TSGA10IP: variants seen among roughly 807,000 people sequenced by gnomAD.
The protein encoded by TSGA10IP is testis specific 10 interacting protein.
In TSGA10IP, 64 loss-of-function variants were observed where a neutral mutation model predicts 63.2. That is an observed-to-expected ratio of 1.01 (90% CI 0.83 to 1.25). TSGA10IP has a LOEUF of 1.25. Ranked by LOEUF, TSGA10IP falls within the 50% of genes most tolerant of loss-of-function variation. TSGA10IP has a pLI of 0.00. For synonymous variants in TSGA10IP, 316 were observed against 298.3 expected, an observed-to-expected ratio of 1.06 and a Z score of -0.61; for missense variants, 681 against 710.1, an observed-to-expected ratio of 0.96 and a Z score of 0.47.
intron 4 of TSGA10IP, among the ~76,000 whole-genome samples, chr11:65,953,156 G>T (rs1854967640): frequency 6.7e-6 from 1 of 149,734 alleles, no homozygotes; most frequent in Non-Finnish European, 1.5e-5. Flanking sequence ...TCAGCCTACT[G>T]AGTGGCTGGG....
At chr11:65,945,984 C>T in intron 1 of TSGA10IP, 162 bp downstream of exon 1, 1 of 815,736 alleles carries the variant, frequency 1.2e-6, no homozygotes, top group Non-Finnish European at 1.9e-6. Flanking sequence ...GGCCTAAGGG[C>T]CTTGGGAGAA....
intron 4 of TSGA10IP, among the ~76,000 whole-genome samples, chr11:65,951,267 G>A (rs1434436330): frequency 6.6e-6 from 1 of 151,924 alleles, no homozygotes; most frequent in Non-Finnish European, 1.5e-5. Flanking sequence ...ATTTTTTGGG[G>A]AACCTTGATA....
chr11:65,947,087 A>AC (rs774433557), intron 2 of TSGA10IP, 23 bp from the exon 3 acceptor site: 2 of 1,606,496 alleles, frequency 1.2e-6, no homozygotes, highest in East Asian at 4.5e-5. Context: ...GCCGACCCTG[A>AC]CCCCCACCCT....
At position 65,953,698 on chromosome 11, in the gene TSGA10IP, G is replaced by A. The variant is rs764707118; in HGVS notation, c.1283G>A (p.Arg428Gln). The A allele has an allele frequency of 1.7e-5, 27 of 1,572,548 alleles. No individual in the cohort carries two copies. The highest frequency in any genetic ancestry group is 2.1e-5 in the Non-Finnish European group (24 of 1,165,548). Residue 428 changes from arginine (R) to glutamine (Q), a missense_variant, in exon 5 of 8, where the codon CGG becomes CAG. Arg to Gln is a conservative substitution (Grantham distance 43). Coordinates refer to ENST00000532620, the Ensembl canonical transcript of TSGA10IP. ...GCAGCCTACGCACCCAGAGGGAGCC[G>A]GGGCCCTGGGGCGGCCCAGCGCAAG... is the stretch of plus-strand genomic sequence containing the variant.
intron 4 of TSGA10IP, among the ~76,000 whole-genome samples, chr11:65,949,615 C>T (rs1854908270): frequency 6.6e-6 from 1 of 151,962 alleles, no homozygotes; most frequent in African/African-American, 2.4e-5. Context: ...CGGGGTTTTA[C>T]TATGTTGGCC....
chr11:65,954,243 GC>G (rs1452923993), intron 5 of TSGA10IP, among the ~76,000 whole-genome samples: 2 of 150,698 alleles, frequency 1.3e-5, no homozygotes, highest in Non-Finnish European at 2.9e-5. Context: ...TCGGCTCACT[GC>G]AATCTCCGCC....
intron 4 of TSGA10IP, among the ~76,000 whole-genome samples, chr11:65,952,711 C>A (rs1410457130): frequency 6.6e-6 from 1 of 151,336 alleles, no homozygotes; most frequent in Non-Finnish European, 1.5e-5. Context: ...CAATATATAC[C>A]ATTGTGTATA....
chr11:65,948,237 C>G, intron 4 of TSGA10IP, 89 bp downstream of exon 4: 1 of 1,430,232 alleles, frequency 7.0e-7, no homozygotes, highest in Non-Finnish European at 9.3e-7. Context: ...TTTGAACTCT[C>G]ATTCATTTCT....
chr11:65,951,175 A>G (rs144040295), intron 4 of TSGA10IP, among the ~76,000 whole-genome samples: 43 of 152,260 alleles, frequency 2.8e-4, no homozygotes, highest in African/African-American at 9.6e-4. Flanking sequence ...GAGTACAGCT[A>G]CCTCTTCAAC....
intron 4 of TSGA10IP, among the ~76,000 whole-genome samples, chr11:65,953,366 G>A (rs1854971063): frequency 6.6e-6 from 1 of 151,912 alleles, no homozygotes; most frequent in East Asian, 1.9e-4. Context: ...GTAGGGAAAG[G>A]CCTTGAGCTG....
At chr11:65,954,017 G>A (rs1854986505) in intron 5 of TSGA10IP, among the ~76,000 whole-genome samples, 1 of 152,196 alleles carries the variant, frequency 6.6e-6, no homozygotes, top group Non-Finnish European at 1.5e-5. Context: ...GATTTCCAAT[G>A]CCAGACATGC....
exon 3 of TSGA10IP, chr11:65,947,303 T>G (rs754648903): frequency 1.2e-6 from 2 of 1,612,490 alleles, no homozygotes; most frequent in South Asian, 2.2e-5. Context: ...GGCCCATGGC[T>G]GCTGCTGGAA....
At chr11:65,953,425 A>C in intron 4 of TSGA10IP, 142 bp from the exon 5 acceptor site, 142 of 1,174,428 alleles carry the variant, frequency 1.2e-4, no homozygotes, top group Non-Finnish European at 1.5e-4. Flanking sequence ...GACTTCCATG[A>C]CAAACCCTAC....
chr11:65,947,926 T>G, intron 3 of TSGA10IP, 75 bp from the exon 4 acceptor site: 1 of 1,520,128 alleles, frequency 6.6e-7, no homozygotes, highest in Non-Finnish European at 8.8e-7. Context: ...TGGGCTGTGC[T>G]CTGGGTGCTG....
At position 65,945,824 on chromosome 11, in the gene TSGA10IP, T is replaced by A. The variant is rs929189629; in HGVS notation, c.147+2T>A. On this transcript the variant is annotated splice_donor_variant, in intron 1 of 7. Transcript: ENST00000532620. LOFTEE classifies it high-confidence loss of function. ...TCGACCGTCTCTCAGGACAAGCAGG[T>A]GAGGGAGGCCCAGTGAGGACACTTC... 1 of 1,612,976 alleles carries A rather than the reference T, an allele frequency of 6.2e-7. No homozygotes were observed. The highest frequency in any genetic ancestry group is 8.5e-7 in the Non-Finnish European group (1 of 1,179,548).
intron 4 of TSGA10IP, among the ~76,000 whole-genome samples, chr11:65,951,109 A>G (rs1854934881): frequency 2.0e-5 from 3 of 152,106 alleles, no homozygotes; most frequent in African/African-American, 7.2e-5. Context: ...CTGTTGATGG[A>G]ATCTTAGGTT....
At chr11:65,959,452 A>G (rs1410018479) in intron 7 of TSGA10IP, 138 bp downstream of exon 7, 1 of 1,343,086 alleles carries the variant, frequency 7.4e-7, no homozygotes, top group Non-Finnish European at 1.0e-6. Flanking sequence ...CAGGGTTGTC[A>G]TTCCTACTTC....
At chr11:65,953,256 C>T (rs1227112032) in intron 4 of TSGA10IP, among the ~76,000 whole-genome samples, 1 of 152,098 alleles carries the variant, frequency 6.6e-6, no homozygotes, top group Non-Finnish European at 1.5e-5. Context: ...GTCTCAAACT[C>T]CTGACCTCAG....
At chr11:65,954,410 G>A (rs1029219105) in intron 5 of TSGA10IP, among the ~76,000 whole-genome samples, 3 of 150,368 alleles carry the variant, frequency 2.0e-5, no homozygotes, top group Non-Finnish European at 3.0e-5. Flanking sequence ...TCCTGACCTC[G>A]TGATCCACCC....
Sources: gnomAD v4.1 joint callset for allele counts (sites outside exome capture counted in the v4.1 genomes callset) on GRCh38, gnomAD v4.1.1 for gene constraint, MANE v1.5 for transcripts, NCBI Gene and HGNC (gene_info 2026-07-23, HGNC 2026-07-21) for gene names.